Variants in JAK1 observed in about 807,000 individuals in gnomAD.
JAK1 encodes tyrosine-protein kinase JAK1.
In JAK1, 16 loss-of-function variants were observed where a neutral mutation model predicts 136.6. The observed-to-expected ratio is 0.12, with a 90% CI of 0.08 to 0.18. The LOEUF (loss-of-function observed/expected upper bound fraction) is 0.18. JAK1 is among the 10% of genes least tolerant of loss of function. The pLI is 1.00. For synonymous variants in JAK1, 492 were observed against 519.5 expected (o/e 0.95, Z 0.72); for missense variants, 859 against 1,450.1 (o/e 0.59, Z 6.62).
Position 64,844,775 on chromosome 1 carries a change from T to A in JAK1, c.2230A>T (p.Ile744Phe), listed in dbSNP as rs776727115. The stretch of plus-strand genomic sequence containing the variant: ...ACACCTTGCCTAGACAGCACCGTAA[T>A]GGGGATGCCGGGGTCACTGAGCTTG... ...FIKLSDPGIP[I>F]TVLSRQECIE... The change falls in exon 16 of 25, where the codon ATT becomes TTT. Residue 744 changes from isoleucine to phenylalanine, a missense_variant. Around this residue, in one of 4 missense-constraint regions of JAK1, gnomAD observed 409 missense variants for 753.8 expected, o/e 0.54. Coordinates refer to ENST00000342505, the MANE Select transcript of JAK1 (RefSeq NM_002227.4). The surrounding 1 kb of genome is among the most constrained non-coding windows in gnomAD (Gnocchi z 5.7). 19 of 1,613,974 alleles carry A rather than the reference T, an allele frequency of 1.2e-5. No individual in the cohort carries two copies. The highest frequency in any genetic ancestry group is 1.4e-5 in the Non-Finnish European group (17 of 1,180,028).
chr1:64,977,592 G>A (rs562612027), intron 2 of JAK1, among the ~76,000 whole-genome samples: 7 of 151,724 alleles, frequency 4.6e-5, no homozygotes, highest in South Asian at 4.2e-4. Context: ...CACCATGCCC[G>A]GCTAATTTTT....
chr1:64,888,226 G>A (rs1381066650), intron 1 of JAK1, among the ~76,000 whole-genome samples: 2 of 152,236 alleles, frequency 1.3e-5, no homozygotes, highest in African/African-American at 4.8e-5. Context: ...TCTGTCGCCA[G>A]GCTGGAGTGC....
intron 2 of JAK1, among the ~76,000 whole-genome samples, chr1:65,033,725 CA>C (rs10700479): frequency 0.015 from 1,364 of 89,212 alleles, 7 homozygotes; most frequent in Non-Finnish European, 0.024. Context: ...CCCGTAGTAC[CA>C]AAAAAAAAAA....
At chr1:65,058,296 CT>C in intron 1 of JAK1, 1 of 439,888 alleles carries the variant, frequency 2.3e-6, no homozygotes, top group Non-Finnish European at 4.6e-6. Context: ...CAGAATAACT[CT>C]CCCTATGCCC....
chr1:64,867,347 T>C (rs1203681648), intron 6 of JAK1, 139 bp from the exon 7 acceptor site: 1 of 621,776 alleles, frequency 1.6e-6, no homozygotes, highest in African/African-American at 1.8e-5. Context: ...TTAGATGGAG[T>C]TAGCACTGAA....
chr1:64,900,127 GAATTCAGGAGAGCC>G (rs1029099386), intron 1 of JAK1, among the ~76,000 whole-genome samples: 2 of 152,164 alleles, frequency 1.3e-5, no homozygotes, highest in Non-Finnish European at 2.9e-5. Flanking sequence ...CTGGGAGTAG[GAATTCAGGAGAGCC>G]AATTCACCTC....
chr1:64,914,725 G>A (rs143186966), intron 1 of JAK1, among the ~76,000 whole-genome samples: 33 of 152,124 alleles, frequency 2.2e-4, no homozygotes, highest in East Asian at 1.2e-3. Context: ...CACCATGCCC[G>A]GCTAATTTTT....
chr1:65,006,490 T>C (rs1038718451), intron 2 of JAK1, among the ~76,000 whole-genome samples: 7 of 152,186 alleles, frequency 4.6e-5, no homozygotes, highest in African/African-American at 1.7e-4. Flanking sequence ...CCTGAGTAGG[T>C]AGGACTACAG....
At chr1:64,986,501 T>G (rs1646601179) in intron 2 of JAK1, among the ~76,000 whole-genome samples, 1 of 152,152 alleles carries the variant, frequency 6.6e-6, no homozygotes, top group South Asian at 2.1e-4. Flanking sequence ...AATTTCCTTC[T>G]CGGCAGCAAG....
intron 1 of JAK1, among the ~76,000 whole-genome samples, chr1:64,904,644 T>A (rs1407576365): frequency 6.6e-6 from 1 of 152,168 alleles, no homozygotes; most frequent in Non-Finnish European, 1.5e-5. Context: ...TCTGACAGCA[T>A]CAATCTCAGA....
At chr1:64,842,599 G>A (rs1372864675) in intron 17 of JAK1, among the ~76,000 whole-genome samples, 1 of 152,086 alleles carries the variant, frequency 6.6e-6, no homozygotes, top group East Asian at 1.9e-4. Flanking sequence ...TAACCCAAGG[G>A]GACTTAGGTG....
At chr1:64,944,505 A>G (rs1160676610) in intron 1 of JAK1, among the ~76,000 whole-genome samples, 6 of 152,200 alleles carry the variant, frequency 3.9e-5, no homozygotes, top group Non-Finnish European at 1.5e-5. Flanking sequence ...ATAATAACAT[A>G]CAAGATTTAG....
chr1:64,847,555 G>A lies in JAK1; in HGVS notation c.1876C>T (p.Pro626Ser), dbSNP rs1226878585. 3.1e-6 allele frequency: 5 copies of A among 1,613,956 alleles called. No individual in the cohort carries two copies. Among genetic ancestry groups the A allele is most frequent in the Non-Finnish European group, 4.2e-6 (5 of 1,180,000 alleles). ...GCCAGGGAAATATCCCTGTGGCTGG[G>A]GTCTAAGACTTTGAGGATCACTTTT... ...KIKVILKVLD[P>S]SHRDISLAFF... Residue 626 changes from proline to serine, a missense_variant, in exon 13 of 25, where the codon CCC (proline) becomes TCC (serine). Physicochemically the swap from Pro to Ser is moderately conservative, Grantham distance 74. Around this residue, in one of 4 missense-constraint regions of JAK1, gnomAD observed 409 missense variants for 753.8 expected, o/e 0.54. Coordinates refer to ENST00000342505, the MANE Select transcript of JAK1 (RefSeq NM_002227.4).
intron 3 of JAK1, among the ~76,000 whole-genome samples, chr1:64,880,356 T>C (rs895603317): frequency 6.6e-5 from 10 of 152,368 alleles, no homozygotes; most frequent in African/African-American, 2.4e-4. Flanking sequence ...GGATTCAGTA[T>C]TATTAGGACA....
At chr1:64,857,922 C>G (rs541882477) in intron 9 of JAK1, 143 bp from the exon 10 acceptor site, 2 of 968,720 alleles carry the variant, frequency 2.1e-6, no homozygotes, top group Admixed American at 2.3e-5. Context: ...AAAGTCCCCT[C>G]TGATGCCATC....
At chr1:65,018,495 C>CACAA (rs1557760268) in intron 2 of JAK1, among the ~76,000 whole-genome samples, 57 of 149,110 alleles carry the variant, frequency 3.8e-4, no homozygotes, top group African/African-American at 1.4e-3. Context: ...AGAACACACA[C>CACAA]ACACACACAC....
At chr1:64,994,763 T>C (rs923456217) in intron 2 of JAK1, among the ~76,000 whole-genome samples, 4 of 152,092 alleles carry the variant, frequency 2.6e-5, no homozygotes, top group African/African-American at 7.2e-5. Flanking sequence ...GATAAAGCAC[T>C]GGATTTGTCA....
intron 12 of JAK1, chr1:64,847,981 A>C: frequency 3.6e-6 from 1 of 280,756 alleles, no homozygotes. Context: ...CACTGCAAAC[A>C]GGGCCATCAA....
intron 2 of JAK1, among the ~76,000 whole-genome samples, chr1:65,023,913 CTTTTT>C (rs35481521): frequency 3.4e-5 from 4 of 119,374 alleles, no homozygotes; most frequent in African/African-American, 9.8e-5. Context: ...TAGATTCATC[CTTTTT>C]TTTTTTTTTT....
Sources: allele counts gnomAD v4.1 joint callset (sites outside exome capture counted in the v4.1 genomes callset), GRCh38; gene constraint gnomAD v4.1.1; regional missense constraint gnomAD v4.1.1; non-coding constraint Gnocchi (gnomAD v3.1); transcripts MANE v1.5; gene names NCBI Gene and HGNC (gene_info 2026-07-23, HGNC 2026-07-21).